The following SKIC3 variants were observed in gnomAD, a reference collection of about 807,000 sequenced individuals.
SKIC3 encodes the protein SKI3 subunit of superkiller complex, also known as superkiller complex protein 3.
chr5:95,511,399 C>A, the SKIC3 span, among the ~76,000 whole-genome samples: 30 of 152,230 alleles, frequency 2.0e-4, 1 homozygote, highest in Middle Eastern at 3.4e-3. Flanking sequence ...GGTGACAGAG[C>A]GAGACTCCGT....
the SKIC3 span, among the ~76,000 whole-genome samples, chr5:95,481,065 G>C: frequency 6.6e-6 from 1 of 152,154 alleles, no homozygotes; most frequent in African/African-American, 2.4e-5. Context: ...GTCATATATA[G>C]AGTAGTACTT....
the SKIC3 span, among the ~76,000 whole-genome samples, chr5:95,529,905 T>G: frequency 6.6e-6 from 1 of 152,068 alleles, no homozygotes; most frequent in Non-Finnish European, 1.5e-5. Context: ...TTAACTCTTC[T>G]GAGGTCTTGA....
At chr5:95,491,143 T>G in the SKIC3 span, 1 of 1,454,886 alleles carries the variant, frequency 6.9e-7, no homozygotes, top group Admixed American at 2.3e-5. Context: ...AAATTGTATC[T>G]AAAAAAAAAT....
the SKIC3 span, among the ~76,000 whole-genome samples, chr5:95,518,598 A>G: frequency 6.6e-6 from 1 of 152,092 alleles, no homozygotes. Context: ...ACTTAACATA[A>G]TGTCCTCCAG....
the SKIC3 span, chr5:95,513,526 C>T: frequency 6.3e-7 from 1 of 1,588,228 alleles, no homozygotes; most frequent in Non-Finnish European, 8.6e-7. Context: ...AAGGATAACA[C>T]TTTTCTCATT....
At chr5:95,507,089 A>G in the SKIC3 span, 1 of 1,314,046 alleles carries the variant, frequency 7.6e-7, no homozygotes, top group East Asian at 2.3e-5. Flanking sequence ...GAATCCACAG[A>G]TTTTTGTTCA....
At chr5:95,505,670 G>T in the SKIC3 span, among the ~76,000 whole-genome samples, 1 of 152,042 alleles carries the variant, frequency 6.6e-6, no homozygotes, top group African/African-American at 2.4e-5. Context: ...AAAATTAGCT[G>T]GGCGTGGTGG....
the SKIC3 span, chr5:95,467,835 T>C: frequency 1.2e-6 from 2 of 1,612,722 alleles, no homozygotes; most frequent in Non-Finnish European, 1.7e-6. Flanking sequence ...AATCAATGCC[T>C]CAAACATTTT....
chr5:95,488,433 A>G, the SKIC3 span, among the ~76,000 whole-genome samples: 3 of 152,186 alleles, frequency 2.0e-5, no homozygotes, highest in African/African-American at 7.2e-5. Flanking sequence ...AAAAACATAA[A>G]GAGAAGAGCA....
the SKIC3 span, among the ~76,000 whole-genome samples, chr5:95,507,613 T>A: frequency 6.6e-6 from 1 of 152,208 alleles, no homozygotes; most frequent in Non-Finnish European, 1.5e-5. Context: ...GGTTTTTATT[T>A]TCTTTCCCAT....
At chr5:95,523,277 C>G in the SKIC3 span, 1 of 1,613,808 alleles carries the variant, frequency 6.2e-7, no homozygotes. Context: ...TTTTGCCGTT[C>G]CAGCACTTGC....
At chr5:95,485,769 G>C in the SKIC3 span, among the ~76,000 whole-genome samples, 1 of 152,128 alleles carries the variant, frequency 6.6e-6, no homozygotes, top group South Asian at 2.1e-4. Flanking sequence ...AGATGCATTC[G>C]GTGCTCGCCT....
the SKIC3 span, chr5:95,478,265 G>T: frequency 6.2e-7 from 1 of 1,612,296 alleles, no homozygotes. Flanking sequence ...AATTTTTCAT[G>T]ATCATAATTA....
chr5:95,536,025 G>T, the SKIC3 span, among the ~76,000 whole-genome samples: 1 of 152,086 alleles, frequency 6.6e-6, no homozygotes, highest in Non-Finnish European at 1.5e-5. Flanking sequence ...CTGACCAAAA[G>T]GAAAGAGGCT....
the SKIC3 span, among the ~76,000 whole-genome samples, chr5:95,531,026 A>G: frequency 2.0e-5 from 3 of 152,208 alleles, no homozygotes; most frequent in Non-Finnish European, 4.4e-5. Flanking sequence ...AAGACAAACT[A>G]CAACTTGAAG....
chr5:95,479,701 G>C, the SKIC3 span, among the ~76,000 whole-genome samples: 9 of 151,698 alleles, frequency 5.9e-5, no homozygotes, highest in Admixed American at 5.9e-4. Flanking sequence ...GTGTGTGTGT[G>C]TGTGTGTGTG....
the SKIC3 span, chr5:95,525,619 G>A: frequency 1.9e-5 from 31 of 1,613,862 alleles, no homozygotes; most frequent in East Asian, 2.2e-4. Context: ...CCTTTGTTCC[G>A]ATAGGCCAAG....
chr5:95,506,854 T>A, the SKIC3 span: 1 of 1,359,322 alleles, frequency 7.4e-7, no homozygotes, highest in Non-Finnish European at 1.1e-6. Context: ...TAGGAACTAG[T>A]CAGCATATCA....
chr5:95,513,780 C>T, the SKIC3 span: 2 of 722,534 alleles, frequency 2.8e-6, no homozygotes, highest in South Asian at 1.7e-5. Flanking sequence ...TTTTTCACTT[C>T]TATTGTTATT....
Sources: gnomAD v4.1 joint callset for allele counts (sites outside exome capture counted in the v4.1 genomes callset) on GRCh38, gnomAD v4.1.1 for gene constraint, MANE v1.5 for transcripts, NCBI Gene and HGNC (gene_info 2026-07-23, HGNC 2026-07-21) for gene names.